SHISA9: variants seen among roughly 807,000 people sequenced by gnomAD.
SHISA9 encodes the protein protein shisa-9.
A neutral mutation model predicts 38.0 loss-of-function variants in SHISA9; 13 were observed. The ratio of observed to expected loss-of-function variants is 0.34; its 90% CI spans 0.22 to 0.54. The LOEUF is 0.54. SHISA9 is among the 20% of genes least tolerant of loss of function. The pLI is 0.91. For missense variants in SHISA9, 538 were observed against 575.8 expected, an observed-to-expected ratio of 0.93 and a Z score of 0.67; for synonymous variants, 275 against 242.0, an observed-to-expected ratio of 1.14 and a Z score of -1.27.
chr16:13,490,688 A>G, the SHISA9 span, among the ~76,000 whole-genome samples: 1 of 152,136 alleles, frequency 6.6e-6, no homozygotes, highest in Admixed American at 6.5e-5. Flanking sequence ...GGTGCAATGT[A>G]TGTATTGATC....
the SHISA9 span, among the ~76,000 whole-genome samples, chr16:13,500,294 T>C: frequency 2.6e-5 from 4 of 152,210 alleles, no homozygotes; most frequent in Admixed American, 6.5e-5. Context: ...TTAAGTTTCC[T>C]GAAGCCTTCC....
At chr16:13,033,189 C>T (rs967948975) in intron 2 of SHISA9, among the ~76,000 whole-genome samples, 2 of 152,134 alleles carry the variant, frequency 1.3e-5, no homozygotes, top group African/African-American at 4.8e-5. Context: ...CTGAAATCAT[C>T]ATGCAGTGCC....
chr16:13,205,648 A>T, intron 3 of SHISA9, among the ~76,000 whole-genome samples: 1 of 152,062 alleles, frequency 6.6e-6, no homozygotes, highest in East Asian at 1.9e-4. Context: ...TTCAACATAC[A>T]TTTGTCACCT....
intron 2 of SHISA9, among the ~76,000 whole-genome samples, chr16:13,121,991 T>C (rs1305244504): frequency 1.3e-5 from 2 of 152,126 alleles, no homozygotes; most frequent in African/African-American, 4.8e-5. Flanking sequence ...AGTGATACTG[T>C]TCACATAAAC....
chr16:12,944,946 G>T (rs1567348168), intron 2 of SHISA9, among the ~76,000 whole-genome samples: 1 of 152,126 alleles, frequency 6.6e-6, no homozygotes. Flanking sequence ...TTACAACCAT[G>T]GGCAACTGGA....
the SHISA9 span, among the ~76,000 whole-genome samples, chr16:13,287,521 G>A: frequency 6.6e-6 from 1 of 152,190 alleles, no homozygotes; most frequent in Middle Eastern, 3.2e-3. Flanking sequence ...CCATTCAGAT[G>A]CATTTGTGAA....
the SHISA9 span, among the ~76,000 whole-genome samples, chr16:13,560,196 G>T: frequency 6.6e-6 from 1 of 152,168 alleles, no homozygotes; most frequent in African/African-American, 2.4e-5. Context: ...GTGTACAGGA[G>T]TCTAAGGCTT....
intron 2 of SHISA9, among the ~76,000 whole-genome samples, chr16:13,118,118 G>T (rs1361751890): frequency 2.6e-5 from 4 of 151,512 alleles, no homozygotes; most frequent in Non-Finnish European, 5.9e-5. Flanking sequence ...GGAGGCGGAG[G>T]TTGCAGTGAG....
intron 3 of SHISA9, among the ~76,000 whole-genome samples, chr16:13,211,892 A>T (rs2051123482): frequency 6.6e-6 from 1 of 152,190 alleles, no homozygotes; most frequent in African/African-American, 2.4e-5. Context: ...TGGGGGTCGC[A>T]CCACTATTTC....
intron 2 of SHISA9, among the ~76,000 whole-genome samples, chr16:13,045,031 C>T (rs1158778318): frequency 4.6e-5 from 7 of 152,156 alleles, no homozygotes; most frequent in East Asian, 3.8e-4. Context: ...GCTTCATGCC[C>T]GTGATGTGTG....
the SHISA9 span, among the ~76,000 whole-genome samples, chr16:13,364,558 TAAAC>T: frequency 3.9e-5 from 6 of 152,224 alleles, no homozygotes; most frequent in Admixed American, 2.0e-4. Context: ...TAGACAATAT[TAAAC>T]AGACAATGCC....
At chr16:13,459,892 G>A in the SHISA9 span, among the ~76,000 whole-genome samples, 1 of 152,108 alleles carries the variant, frequency 6.6e-6, no homozygotes. Flanking sequence ...TTTATAGTCA[G>A]CATCAAGCTT....
At chr16:13,507,384 A>G in the SHISA9 span, among the ~76,000 whole-genome samples, 2 of 152,026 alleles carry the variant, frequency 1.3e-5, no homozygotes, top group African/African-American at 4.8e-5. Flanking sequence ...AGAATTTCTC[A>G]CTGGATTAAG....
At chr16:13,255,646 C>T in the SHISA9 span, among the ~76,000 whole-genome samples, 1 of 152,210 alleles carries the variant, frequency 6.6e-6, no homozygotes, top group Non-Finnish European at 1.5e-5. Flanking sequence ...AATCTATTTC[C>T]AGTCCCTGCA....
chr16:13,326,308 T>C, the SHISA9 span, among the ~76,000 whole-genome samples: 621 of 152,318 alleles, frequency 4.1e-3, 2 homozygotes, highest in Non-Finnish European at 5.3e-3. Flanking sequence ...ATTTGGGCAC[T>C]GTGTAGTACA....
intron 2 of SHISA9, among the ~76,000 whole-genome samples, chr16:12,973,781 A>G (rs1469969500): frequency 6.6e-6 from 1 of 152,210 alleles, no homozygotes; most frequent in Non-Finnish European, 1.5e-5. Context: ...GGCACAGTGG[A>G]AAGAGCACTG....
chr16:13,266,841 C>T, the SHISA9 span, among the ~76,000 whole-genome samples: 11 of 151,996 alleles, frequency 7.2e-5, no homozygotes, highest in East Asian at 1.9e-4. Flanking sequence ...TGACAACAAG[C>T]GGTGGGGAAG....
At chr16:13,499,023 G>A in the SHISA9 span, among the ~76,000 whole-genome samples, 1 of 152,170 alleles carries the variant, frequency 6.6e-6, no homozygotes, top group Non-Finnish European at 1.5e-5. Context: ...GTCTGCCCCT[G>A]AGCAGGAGGC....
chr16:12,983,889 G>A lies in SHISA9; in HGVS notation c.691+67074G>A, dbSNP rs537330074. 3.0e-3 allele frequency among the ~76,000 whole-genome samples: 455 copies of A among 152,262 alleles called. 3 individuals carry two copies. Among genetic ancestry groups the A allele is most frequent in the Non-Finnish European group, 4.0e-3 (270 of 68,022 alleles). On this transcript the variant is annotated intron_variant, in intron 2 of 4. Transcript: ENST00000558583. ...TCTTTAGCTCAGGCTACTTTGAGGG[G>A]TTTCTGTTTCTTATCACCAAATGCT... is the stretch of plus-strand genomic sequence containing the variant.
Sources: gnomAD v4.1 joint callset for allele counts (sites outside exome capture counted in the v4.1 genomes callset) on GRCh38, gnomAD v4.1.1 for gene constraint, MANE v1.5 for transcripts, NCBI Gene and HGNC (gene_info 2026-07-23, HGNC 2026-07-21) for gene names.